SPATA1: variants seen among roughly 807,000 people sequenced by gnomAD.
SPATA1 encodes the protein spermatogenesis-associated protein 1.
In SPATA1, 57 loss-of-function variants were observed where a neutral mutation model predicts 59.6. The observed-to-expected ratio is 0.96, with a 90% CI of 0.77 to 1.19. The LOEUF is 1.19. Among genes scored for constraint, SPATA1 ranks in the 50% most tolerant of loss-of-function variants. The pLI is 0.00. For missense variants in SPATA1, 448 were observed against 480.7 expected (o/e 0.93, Z 0.64); for synonymous variants, 147 against 163.9 (o/e 0.90, Z 0.79).
At chr1:84,553,785 G>A (rs1053486849) in exon 13 of SPATA1, 3 of 152,148 alleles carry the variant, frequency 2.0e-5, no homozygotes, top group Non-Finnish European at 2.9e-5. Context: ...GGGGCAAAAT[G>A]TGCAGGGAAG....
downstream of SPATA1, chr1:84,555,100 T>C: frequency 6.2e-7 from 1 of 1,613,948 alleles, no homozygotes; most frequent in Non-Finnish European, 8.5e-7. Context: ...GCATTCCACA[T>C]GCCAATGCCC....
intron 6 of SPATA1, 82 bp from the exon 7 acceptor site, chr1:84,532,778 T>C: frequency 1.1e-6 from 1 of 885,052 alleles, no homozygotes; most frequent in Non-Finnish European, 1.8e-6. Context: ...GATTATAGTG[T>C]ACATGTATAA....
exon 13 of SPATA1, chr1:84,553,666 C>T (rs748559306): frequency 1.3e-5 from 2 of 151,968 alleles, no homozygotes; most frequent in African/African-American, 2.4e-5. Context: ...CAACAGTGAT[C>T]CAACATATAC....
chr1:84,557,073 C>G (rs1331474527), downstream of SPATA1, among the ~76,000 whole-genome samples: 1 of 152,014 alleles, frequency 6.6e-6, no homozygotes, highest in Non-Finnish European at 1.5e-5. Context: ...GAACAAAGGG[C>G]AAAAACTAAG....
At chr1:84,554,678 G>A (rs550218373), downstream of SPATA1, 13 of 194,418 alleles carry the variant, frequency 6.7e-5, no homozygotes, top group Admixed American at 2.7e-4. Flanking sequence ...GCATTGATTC[G>A]TGAGCATATA....
At chr1:84,563,170 T>C (rs1684626289) in intron 4 of SPATA1, 4 of 946,306 alleles carry the variant, frequency 4.2e-6, no homozygotes, top group Non-Finnish European at 5.8e-6. Context: ...AGAAAACTGA[T>C]AGAAATTCTT....
chr1:84,541,709 G>A (rs190700693), intron 8 of SPATA1, among the ~76,000 whole-genome samples: 1 of 152,122 alleles, frequency 6.6e-6, no homozygotes, highest in East Asian at 1.9e-4. Flanking sequence ...TTCATGGCGT[G>A]TTTGTTTTGA....
At chr1:84,551,841 G>C (rs1684282468) in intron 12 of SPATA1, 1 of 152,128 alleles carries the variant, frequency 6.6e-6, no homozygotes, top group African/African-American at 2.4e-5. Context: ...AATTGGGTAG[G>C]TAGGAAGGAG....
In SPATA1 at chr1:84,544,622, G is replaced by A. The variant is rs147363858; in HGVS notation, c.820+318G>A. On this transcript the variant is annotated intron_variant, in intron 9 of 12. Coordinates refer to ENST00000490879, the Ensembl canonical transcript of SPATA1. ...GTTGTCCAGGCTAGAGTGCAGTGGC[G>A]TGATCTCAGCTCACTGCAACCTCCG... is the stretch of plus-strand genomic sequence containing the variant. Among the ~76,000 whole-genome samples, 956 of 151,932 alleles carry A rather than the reference G, an allele frequency of 6.3e-3. 18 individuals are homozygous for A. Among genetic ancestry groups the A allele is most frequent in the East Asian group, 0.038 (194 of 5,092 alleles).
intron 1 of SPATA1, among the ~76,000 whole-genome samples, chr1:84,515,410 T>A (rs760429084): frequency 6.7e-6 from 1 of 148,226 alleles, no homozygotes; most frequent in African/African-American, 2.6e-5. Context: ...TTGTTAGGGT[T>A]TTGTAGAGCT....
exon 12 of SPATA1, chr1:84,550,527 T>A: frequency 6.5e-7 from 1 of 1,527,320 alleles, no homozygotes; most frequent in Non-Finnish European, 8.8e-7. Context: ...TAGTAGAAGT[T>A]AAGGTAATTT....
At chr1:84,563,808 C>T in intron 4 of SPATA1, 1 of 1,607,724 alleles carries the variant, frequency 6.2e-7, no homozygotes, top group Non-Finnish European at 8.5e-7. Flanking sequence ...AGGATTAATG[C>T]TCATCTTGAT....
chr1:84,537,749 A>G (rs1683755579), intron 8 of SPATA1, among the ~76,000 whole-genome samples: 1 of 152,222 alleles, frequency 6.6e-6, no homozygotes, highest in Non-Finnish European at 1.5e-5. Flanking sequence ...GGGGACCTGA[A>G]TAACTCTGTG....
chr1:84,545,681 T>C (rs1222180880), exon 10 of SPATA1: 24 of 1,534,280 alleles, frequency 1.6e-5, no homozygotes, highest in Non-Finnish European at 2.0e-5. Flanking sequence ...AGAAAGAAGG[T>C]ATCTGGAAAG....
chr1:84,553,286 T>C (rs1684332496), exon 13 of SPATA1: 1 of 436,354 alleles, frequency 2.3e-6, no homozygotes, highest in Non-Finnish European at 4.1e-6. Flanking sequence ...AAATATTAGA[T>C]GTAATATAAA....
chr1:84,563,625 C>T, intron 4 of SPATA1: 1 of 706,322 alleles, frequency 1.4e-6, no homozygotes, highest in Non-Finnish European at 2.2e-6. Context: ...TAATTTTTAT[C>T]TCAAACTATA....
chr1:84,531,410 G>A (rs1683460930), intron 6 of SPATA1, among the ~76,000 whole-genome samples: 1 of 151,942 alleles, frequency 6.6e-6, no homozygotes, highest in African/African-American at 2.4e-5. Context: ...TGATCCACCC[G>A]CCTCGGCCTC....
At chr1:84,562,938 A>G (rs906960508) in intron 4 of SPATA1, among the ~76,000 whole-genome samples, 3 of 152,166 alleles carry the variant, frequency 2.0e-5, no homozygotes, top group African/African-American at 7.2e-5. Context: ...CCCAAAACCC[A>G]TTCAAAATCA....
intron 4 of SPATA1, among the ~76,000 whole-genome samples, chr1:84,560,130 AAAGG>A (rs1684563817): frequency 7.2e-6 from 1 of 139,338 alleles, no homozygotes; most frequent in Non-Finnish European, 1.6e-5. Context: ...AGAAAGAAAG[AAAGG>A]AAAGAAAGAA....
Sources: gnomAD v4.1 joint callset for allele counts (sites outside exome capture counted in the v4.1 genomes callset) on GRCh38, gnomAD v4.1.1 for gene constraint, MANE v1.5 for transcripts, NCBI Gene and HGNC (gene_info 2026-07-23, HGNC 2026-07-21) for gene names.